The following WDR45 variants were observed in gnomAD, a reference collection of about 807,000 sequenced individuals.
WDR45 encodes the protein WD repeat domain phosphoinositide-interacting protein 4.
A neutral mutation model predicts 27.3 loss-of-function variants in WDR45; 2 were observed. That is an observed-to-expected ratio of 0.07 (90% confidence interval 0.03 to 0.23). The LOEUF (loss-of-function observed/expected upper bound fraction) is 0.23. Ranked by LOEUF, WDR45 falls within the 10% of genes least tolerant of loss-of-function variation. WDR45 has a pLI of 1.00. For missense variants in WDR45, 175 were observed against 311.9 expected (o/e 0.56, Z 3.31); for synonymous variants, 99 against 119.2 (o/e 0.83, Z 1.11).
chrX:49,099,800 A>C lies in WDR45; in HGVS notation c.-18+405T>G, dbSNP rs1359723677. Among the ~76,000 whole-genome samples the C allele has an allele frequency of 4.3e-4, 42 of 97,680 alleles. 5 individuals are homozygous for C. Among genetic ancestry groups the C allele is most frequent in the African/African-American group, 5.0e-4 (14 of 28,158 alleles). 84.8% of individuals were successfully genotyped at this position (97,680 alleles called of 115,157 possible). On this transcript the variant is annotated intron_variant, in intron 2 of 11. Transcript: ENST00000356463. Reference sequence around the variant, plus strand: ...TGTCTCAAAAAAAAAAAAACAAAAAAAAACAAAAAAAAACACACAGTGTTT... The same window carrying C: ...TGTCTCAAAAAAAAAAAAACAAAAACAAACAAAAAAAAACACACAGTGTTT...
At chrX:49,076,953 C>A in intron 4 of WDR45, 1 of 420,061 alleles carries the variant, frequency 2.4e-6, no homozygotes, top group African/African-American at 2.5e-5. Context: ...CACTCATCTA[C>A]AGATGAGGAA....
chrX:49,076,258 G>T, intron 6 of WDR45, 172 bp downstream of exon 6: 1 of 574,090 alleles, frequency 1.7e-6, no homozygotes, highest in Non-Finnish European at 2.8e-6. Context: ...TCCGGAGGTG[G>T]GGAGAACTGG....
chrX:49,074,755 G>A lies in WDR45; in HGVS notation c.*48C>T. ...AAGCACGCCCCACTGCCAAGGCTCAGCTCTGCAGTTCTGCCACTGCAGGTC... is the reference window on the plus strand; with the variant it reads ...AAGCACGCCCCACTGCCAAGGCTCAACTCTGCAGTTCTGCCACTGCAGGTC... On this transcript the variant is annotated 3_prime_UTR_variant, in exon 11 of 11. Coordinates refer to ENST00000376372, the MANE Select transcript of WDR45 (RefSeq NM_001029896.2). The A allele has an allele frequency of 9.2e-7, 1 of 1,087,065 alleles. No individual in the cohort carries two copies. Among genetic ancestry groups the A allele is most frequent in the Non-Finnish European group, 1.3e-6 (1 of 784,243 alleles). The allele number at this position is 1,087,065 out of a possible 1,213,427, so 89.6% of individuals were successfully genotyped here.
Position 49,079,117 on chromosome X carries a change from G to A in WDR45, c.-18+634C>T, listed in dbSNP as rs1190802161. 2.7e-5 allele frequency: 3 copies of A among 110,519 alleles called. No homozygotes were observed. In the Admixed American group the frequency reaches 2.9e-4, roughly 11 times the overall value. 9.1% of individuals were successfully genotyped at this position (110,519 alleles called of 1,213,427 possible). ...TTCCCTTAGATTGGCTTATGCCCTG[G>A]GGACTCTACCCTAGGATTCCCCCTA... is the stretch of plus-strand genomic sequence containing the variant. On this transcript the variant is annotated intron_variant, in intron 1 of 10. Transcript: ENST00000376372.
chrX:49,078,446 C>T (rs1350971631), intron 1 of WDR45, among the ~76,000 whole-genome samples: 2 of 111,486 alleles, frequency 1.8e-5, no homozygotes, highest in African/African-American at 3.3e-5. Flanking sequence ...TGCTTGAACC[C>T]GAGAGGCTGA....
At chrX:49,084,935 G>A (rs1263541419) in intron 2 of WDR45, among the ~76,000 whole-genome samples, 1 of 111,824 alleles carries the variant, frequency 8.9e-6, no homozygotes, top group Non-Finnish European at 1.9e-5. Flanking sequence ...GCGCCCGGCT[G>A]AAACAATGAT....
intron 2 of WDR45, among the ~76,000 whole-genome samples, chrX:49,092,119 C>CAAA (rs61126954): frequency 0.41 from 14,497 of 35,178 alleles, 4,014 homozygotes; most frequent in Middle Eastern, 0.64. Context: ...CACTCCATCT[C>CAAA]AAAAAAAAAA....
intron 2 of WDR45, among the ~76,000 whole-genome samples, chrX:49,095,049 A>G (rs2065120091): frequency 9.2e-6 from 1 of 109,235 alleles, no homozygotes; most frequent in Admixed American, 9.8e-5. Flanking sequence ...TGGCCTCCCA[A>G]AGTGCTGGGA....
intron 2 of WDR45, among the ~76,000 whole-genome samples, chrX:49,086,364 G>T (rs1557085902): frequency 9.0e-6 from 1 of 111,108 alleles, no homozygotes; most frequent in African/African-American, 3.3e-5. Flanking sequence ...TGTTGGTCAG[G>T]TTGGTCTCGA....
chrX:49,080,888 A>ATTTTTTT (rs782319738), upstream of WDR45, among the ~76,000 whole-genome samples: 1 of 42,428 alleles, frequency 2.4e-5, no homozygotes, highest in Non-Finnish European at 4.0e-5. Flanking sequence ...ACTGGAAGGA[A>ATTTTTTT]TTTTTTTTTT....
rs782093205 is a variant in WDR45 at position 49,098,189 on chromosome X, C to T, written c.-18+2016G>A. Among the ~76,000 whole-genome samples the T allele has an allele frequency of 2.7e-5, 3 of 110,851 alleles. No homozygotes were observed. In the South Asian group the frequency reaches 1.1e-3, roughly 42 times the overall value. On this transcript the variant is annotated intron_variant, in intron 2 of 11. Transcript: ENST00000356463. ...GGTCTCAAACTCCTGGCCTCAAGTA[C>T]TCTCTCTTTAAAAAAGATAATACTG...
Position 49,076,626 on chromosome X carries a change from C to T in WDR45, c.341+19G>A, listed in dbSNP as rs369672076. The T allele has an allele frequency of 1.7e-5, 21 of 1,204,640 alleles. No homozygotes were observed. Among genetic ancestry groups the T allele is most frequent in the Non-Finnish European group, 2.1e-5 (19 of 890,885 alleles). On this transcript the variant is annotated intron_variant, in intron 5 of 10. Coordinates refer to ENST00000376372, the MANE Select transcript of WDR45 (RefSeq NM_001029896.2). ...TGTGGGGACCTCCTACCTCCCACCCCGGTCCTCCTCAGGCTCACTTGTCAT... is the reference window on the plus strand; with the variant it reads ...TGTGGGGACCTCCTACCTCCCACCCTGGTCCTCCTCAGGCTCACTTGTCAT...
chrX:49,098,082 G>A (rs960742844), intron 2 of WDR45, among the ~76,000 whole-genome samples: 1 of 112,177 alleles, frequency 8.9e-6, no homozygotes, highest in African/African-American at 3.2e-5. Flanking sequence ...CTCCTGAGTA[G>A]CTGGGACCAC....
At chrX:49,091,755 C>CAAAA (rs1162476660) in intron 2 of WDR45, among the ~76,000 whole-genome samples, 53 of 35,211 alleles carry the variant, frequency 1.5e-3, no homozygotes, top group African/African-American at 8.1e-3. Context: ...GACTCCGTCT[C>CAAAA]AAAAAAAAAA....
upstream of WDR45, among the ~76,000 whole-genome samples, chrX:49,081,564 C>T (rs1191615603): frequency 6.6e-5 from 7 of 105,434 alleles, no homozygotes; most frequent in Admixed American, 1.0e-4. Context: ...TGGTGACACG[C>T]GCCTGTAATC....
chrX:49,091,390 G>A (rs1421563318), intron 2 of WDR45, among the ~76,000 whole-genome samples: 3 of 110,713 alleles, frequency 2.7e-5, no homozygotes, highest in Non-Finnish European at 3.8e-5. Context: ...GCAGTGAGCC[G>A]AGATCGCACC....
intron 1 of WDR45, chrX:49,100,700 T>C (rs2065142784): frequency 8.8e-6 from 1 of 114,006 alleles, no homozygotes; most frequent in African/African-American, 3.2e-5. Context: ...TTTATTCCCT[T>C]ACACAGGCTT....
intron 2 of WDR45, among the ~76,000 whole-genome samples, chrX:49,097,348 G>C (rs1237021275): frequency 1.4e-5 from 1 of 69,014 alleles, no homozygotes; most frequent in East Asian, 4.8e-4. Context: ...TTTTTTTTGA[G>C]ACAGAGTCTC....
intron 2 of WDR45, among the ~76,000 whole-genome samples, chrX:49,088,022 G>A (rs1040224317): frequency 1.8e-5 from 2 of 112,462 alleles, no homozygotes; most frequent in African/African-American, 6.5e-5. Context: ...TGGGGAATGA[G>A]ATGTCTATGA....
Sources: gnomAD v4.1 joint callset for allele counts (sites outside exome capture counted in the v4.1 genomes callset) on GRCh38, gnomAD v4.1.1 for gene constraint, MANE v1.5 for transcripts, NCBI Gene and HGNC (gene_info 2026-07-23, HGNC 2026-07-21) for gene names.